SNX30: variants seen among roughly 807,000 people sequenced by gnomAD.
The protein encoded by SNX30 is sorting nexin family member 30.
A neutral mutation model predicts 46.4 loss-of-function variants in SNX30; 24 were observed. The ratio of observed to expected loss-of-function variants is 0.52; its 90% CI spans 0.37 to 0.73. The LOEUF (loss-of-function observed/expected upper bound fraction) is 0.73, where lower values mean the gene tolerates loss of function less well. SNX30 is among the 30% of genes least tolerant of loss of function. The pLI is 0.00. For synonymous variants in SNX30, 189 were observed against 211.5 expected (o/e 0.89, Z 0.92); for missense variants, 533 against 555.7 (o/e 0.96, Z 0.41).
intron 1 of SNX30, among the ~76,000 whole-genome samples, chr9:112,780,527 A>G (rs1328869095): frequency 1.3e-5 from 2 of 152,124 alleles, no homozygotes; most frequent in Non-Finnish European, 2.9e-5. Context: ...TAAGCCTTCT[A>G]TTTGCACTTC....
chr9:112,833,130 C>T (rs1253747388), intron 4 of SNX30, among the ~76,000 whole-genome samples: 2 of 152,084 alleles, frequency 1.3e-5, no homozygotes, highest in Admixed American at 1.3e-4. Context: ...ATTAGTTATG[C>T]AGCTCATCTT....
intron 1 of SNX30, among the ~76,000 whole-genome samples, chr9:112,756,970 G>A (rs1288184837): frequency 6.6e-6 from 1 of 152,172 alleles, no homozygotes; most frequent in African/African-American, 2.4e-5. Context: ...TCATCTCATA[G>A]TTAACTCATT....
intron 1 of SNX30, among the ~76,000 whole-genome samples, chr9:112,778,245 G>T (rs1839780452): frequency 6.6e-6 from 1 of 151,646 alleles, no homozygotes; most frequent in Admixed American, 6.6e-5. Flanking sequence ...CCTGAAATTG[G>T]CACAGGATCA....
intron 2 of SNX30, among the ~76,000 whole-genome samples, chr9:112,816,805 T>C (rs1042746677): frequency 3.9e-5 from 6 of 152,220 alleles, no homozygotes; most frequent in African/African-American, 1.4e-4. Context: ...CTGAGAACCA[T>C]GACAGTCATA....
chr9:112,797,907 T>G (rs1840137178), intron 1 of SNX30, among the ~76,000 whole-genome samples: 2 of 147,842 alleles, frequency 1.4e-5, no homozygotes, highest in Non-Finnish European at 3.0e-5. Context: ...AGAGACGATT[T>G]CACCATGTTG....
Position 112,838,523 on chromosome 9 carries a change from C to A in SNX30, c.840C>A (p.Tyr280Ter). 1 of 1,612,954 alleles carries A rather than the reference C, an allele frequency of 6.2e-7. No individual in the cohort carries two copies. The highest frequency in any genetic ancestry group is 8.5e-7 in the Non-Finnish European group (1 of 1,179,364). The part of the protein sequence containing the change: ...EIEYLVELRE[Y>*]GPVYSTWSAL... ...AGTACCTTGTGGAGCTGAGAGAATACGGGCCTGTGTACTCCACATGGAGCG... is the reference window on the plus strand; with the variant it reads ...AGTACCTTGTGGAGCTGAGAGAATAAGGGCCTGTGTACTCCACATGGAGCG... The change falls in exon 6 of 9, where the codon TAC becomes TAA. Residue 280 changes from tyrosine (Y) to a stop codon, truncating the protein, a stop_gained. Coordinates refer to ENST00000374232, the MANE Select transcript of SNX30 (RefSeq NM_001012994.2). LOFTEE classifies it high-confidence loss of function.
At chr9:112,796,376 T>C (rs1339819304) in intron 1 of SNX30, among the ~76,000 whole-genome samples, 1 of 152,050 alleles carries the variant, frequency 6.6e-6, no homozygotes, top group African/African-American at 2.4e-5. Context: ...TATCCTGGAG[T>C]TCCAGAGAAG....
At chr9:112,775,781 CTTTTT>C (rs35535657) in intron 1 of SNX30, among the ~76,000 whole-genome samples, 2 of 122,350 alleles carry the variant, frequency 1.6e-5, no homozygotes, top group Non-Finnish European at 1.7e-5. Context: ...TATGTGTAGT[CTTTTT>C]TTTTTTTTTT....
At chr9:112,781,317 C>G (rs1839843708) in intron 1 of SNX30, among the ~76,000 whole-genome samples, 1 of 152,112 alleles carries the variant, frequency 6.6e-6, no homozygotes. Flanking sequence ...ACTGATTTTT[C>G]AAAACCCTTA....
Position 112,872,106 on chromosome 9 carries a change from A to G in SNX30, c.*3263A>G, listed in dbSNP as rs1035004562. 1.1e-4 allele frequency: 16 copies of G among 152,188 alleles called. No homozygotes were observed. 9.4% of individuals were successfully genotyped at this position (152,188 alleles called of 1,614,324 possible). A position where few individuals can be genotyped will look rare whatever the true frequency, so the allele number is the denominator to read the frequency against. On this transcript the variant is annotated 3_prime_UTR_variant, in exon 9 of 9. Transcript: ENST00000374232. The stretch of plus-strand genomic sequence containing the variant: ...TGTAAGCTAAGTCTGTTTTCATGCC[A>G]GATTTCAGCCCCACCCAGAGTGTGC...
intron 7 of SNX30, among the ~76,000 whole-genome samples, chr9:112,858,089 G>T (rs565105050): frequency 6.6e-6 from 1 of 152,242 alleles, no homozygotes; most frequent in South Asian, 2.1e-4. Context: ...GTCTTATCTG[G>T]TGATATTTTT....
chr9:112,815,451 C>G (rs1284034921), intron 2 of SNX30, among the ~76,000 whole-genome samples: 1 of 151,672 alleles, frequency 6.6e-6, no homozygotes, highest in South Asian at 2.1e-4. Flanking sequence ...GCCTCCCCCT[C>G]TGGGGTTCAA....
chr9:112,757,776 C>G (rs1333806722), intron 1 of SNX30, among the ~76,000 whole-genome samples: 1 of 152,176 alleles, frequency 6.6e-6, no homozygotes, highest in Non-Finnish European at 1.5e-5. Flanking sequence ...GGCCCATCTC[C>G]GTGGTTGCTC....
chr9:112,865,775 GTATA>G (rs113754962), intron 8 of SNX30, among the ~76,000 whole-genome samples: 4 of 143,790 alleles, frequency 2.8e-5, no homozygotes, highest in Admixed American at 6.9e-5. Flanking sequence ...ATGTATGTAT[GTATA>G]TATATATATA....
At chr9:112,768,225 C>G (rs548983332) in intron 1 of SNX30, among the ~76,000 whole-genome samples, 5 of 152,306 alleles carry the variant, frequency 3.3e-5, no homozygotes, top group Non-Finnish European at 7.3e-5. Context: ...TCCTCGTGAG[C>G]TGCCTGGAAT....
intron 1 of SNX30, among the ~76,000 whole-genome samples, chr9:112,773,562 A>T (rs1839688533): frequency 6.6e-6 from 1 of 152,122 alleles, no homozygotes; most frequent in African/African-American, 2.4e-5. Flanking sequence ...GTGCATCTTG[A>T]GGTGTGTGGT....
At chr9:112,807,222 T>C (rs6477960) in intron 2 of SNX30, among the ~76,000 whole-genome samples, 122,811 of 151,842 alleles carry the variant, frequency 0.81, 49,658 homozygotes, top group South Asian at 0.87. Flanking sequence ...TATGCCACCA[T>C]GCCCGGCTAC....
chr9:112,784,971 T>C (rs1839899021), intron 1 of SNX30, among the ~76,000 whole-genome samples: 1 of 152,212 alleles, frequency 6.6e-6, no homozygotes, highest in African/African-American at 2.4e-5. Context: ...TTTGGATGAA[T>C]ACATAAGCGA....
At chr9:112,827,114 C>A (rs562767848) in intron 3 of SNX30, among the ~76,000 whole-genome samples, 7 of 152,188 alleles carry the variant, frequency 4.6e-5, no homozygotes, top group Admixed American at 4.6e-4. Context: ...TTCTTAACAT[C>A]TTCTCTGAAT....
Sources: gnomAD v4.1 joint callset for allele counts (sites outside exome capture counted in the v4.1 genomes callset) on GRCh38, gnomAD v4.1.1 for gene constraint, MANE v1.5 for transcripts, NCBI Gene and HGNC (gene_info 2026-07-23, HGNC 2026-07-21) for gene names.